DCAF13: variants seen among roughly 807,000 people sequenced by gnomAD.
DCAF13 encodes DDB1- and CUL4-associated factor 13.
In DCAF13, 38 loss-of-function variants were observed where a neutral mutation model predicts 59.0. The observed-to-expected ratio is 0.64, with a 90% CI of 0.50 to 0.84. The LOEUF (loss-of-function observed/expected upper bound fraction) is 0.84, where lower values mean the gene tolerates loss of function less well. Ranked by LOEUF, DCAF13 falls within the 40% of genes least tolerant of loss-of-function variation. The pLI, the probability that DCAF13 is intolerant of heterozygous loss-of-function variation, is 0.00. For missense variants in DCAF13, 469 were observed against 558.4 expected (o/e 0.84, Z 1.61); for synonymous variants, 173 against 175.0 (o/e 0.99, Z 0.09).
In DCAF13 at chr8:103,418,543, CAAA is replaced by C. The variant is rs149742593; in HGVS notation, c.71-1718_71-1716del. On this transcript the variant is annotated intron_variant, in intron 1 of 10. Transcript: ENST00000612750. ...ATGATACCGCATCTCAAAACAAAAA[CAAA>C]AACAAAACACAAAAAACTAGAAATA... 8.3e-3 allele frequency among the ~76,000 whole-genome samples: 1,253 copies of C among 151,590 alleles called. 24 individuals are homozygous for C. The highest frequency in any genetic ancestry group is 0.029 in the African/African-American group (1,185 of 41,322).
At chr8:103,434,849 C>A (rs1306031375) in intron 7 of DCAF13, among the ~76,000 whole-genome samples, 1 of 151,994 alleles carries the variant, frequency 6.6e-6, no homozygotes, top group Non-Finnish European at 1.5e-5. Context: ...AGTATAGTTT[C>A]TCATTTTGAT....
Position 103,435,698 on chromosome 8 carries a change from T to C in DCAF13, c.858T>C (p.Leu286=). Residue 286 remains leucine (L), a synonymous_variant, in exon 8 of 11, where the codon CTT becomes CTC. Coordinates refer to ENST00000612750, the MANE Select transcript of DCAF13 (RefSeq NM_015420.7). The part of the protein sequence containing the change: ...MVHMDHVSAV[L]DVDYSPTGKE... Reference sequence around the variant, plus strand: ...ATATGGATCATGTATCTGCAGTGCTTGATGTGGATTACTCTCCCACTGGGA... The same window carrying C: ...ATATGGATCATGTATCTGCAGTGCTCGATGTGGATTACTCTCCCACTGGGA... 1 of 1,613,450 alleles carries C rather than the reference T, an allele frequency of 6.2e-7. No individual in the cohort carries two copies. The highest frequency in any genetic ancestry group is 8.5e-7 in the Non-Finnish European group (1 of 1,179,590).
rs775039881 is a variant in DCAF13, at chr8:103,435,675, A to T, written c.835A>T (p.Met279Leu). The T allele has an allele frequency of 6.2e-7, 1 of 1,612,318 alleles. No individual in the cohort carries two copies. Residue 279 changes from methionine to leucine, a missense_variant, in exon 8 of 11, where the codon ATG (methionine) becomes TTG (leucine). This residue lies in a region of DCAF13 where 355 missense variants were observed against 399.1 expected (regional missense o/e 0.89). Transcript: ENST00000612750. ...RALDTPVMVH[M>L]DHVSAVLDVD... ...ACTGGACACTCCTGTAATGGTCCAT[A>T]TGGATCATGTATCTGCAGTGCTTGA...
chr8:103,430,919 T>C (rs1816855018), intron 6 of DCAF13, among the ~76,000 whole-genome samples: 2 of 152,192 alleles, frequency 1.3e-5, no homozygotes, highest in Admixed American at 1.3e-4. Flanking sequence ...ACCTTGTGTC[T>C]TCCATGATGC....
At chr8:103,421,953 ATTGAAAGTCT>A (rs1233232942) in intron 3 of DCAF13, among the ~76,000 whole-genome samples, 4 of 152,222 alleles carry the variant, frequency 2.6e-5, no homozygotes, top group African/African-American at 9.7e-5. Context: ...ATTCAAGTTC[ATTGAAAGTCT>A]TTTTAAACAA....
chr8:103,433,252 G>A (rs1364277043), intron 7 of DCAF13, among the ~76,000 whole-genome samples: 2 of 152,116 alleles, frequency 1.3e-5, no homozygotes, highest in African/African-American at 4.8e-5. Context: ...ATTGCGGTGA[G>A]TATCAGGTAG....
chr8:103,438,345 A>G (rs1401091201), intron 8 of DCAF13, among the ~76,000 whole-genome samples: 1 of 152,180 alleles, frequency 6.6e-6, no homozygotes, highest in Non-Finnish European at 1.5e-5. Context: ...ATGAATTTCT[A>G]ATGGTTTATC....
intron 3 of DCAF13, among the ~76,000 whole-genome samples, chr8:103,422,155 G>A (rs1162798516): frequency 6.6e-6 from 1 of 152,174 alleles, no homozygotes; most frequent in Admixed American, 6.5e-5. Flanking sequence ...CAACTGAGAG[G>A]TGCCTGGGAA....
chr8:103,430,901 A>G (rs562542176), intron 6 of DCAF13, among the ~76,000 whole-genome samples: 4 of 152,328 alleles, frequency 2.6e-5, no homozygotes, highest in African/African-American at 9.6e-5. Context: ...ATTGTATCCT[A>G]GTCACCAACC....
At chr8:103,440,705 A>G (rs919581973) in intron 9 of DCAF13, 3 of 152,630 alleles carry the variant, frequency 2.0e-5, no homozygotes, top group Non-Finnish European at 4.4e-5. Context: ...CATTTAATAA[A>G]TACAGAAAGC....
intron 8 of DCAF13, among the ~76,000 whole-genome samples, chr8:103,437,497 A>G (rs898353697): frequency 6.6e-6 from 1 of 152,172 alleles, no homozygotes; most frequent in Non-Finnish European, 1.5e-5. Flanking sequence ...CATTATTCCA[A>G]AATTGTATAA....
At chr8:103,417,586 G>A (rs1265424406) in intron 1 of DCAF13, among the ~76,000 whole-genome samples, 4 of 148,240 alleles carry the variant, frequency 2.7e-5, no homozygotes, top group Non-Finnish European at 5.9e-5. Flanking sequence ...AGCTTGCAGT[G>A]AGCCGAGATT....
chr8:103,441,352 A>G (rs1236447024), intron 9 of DCAF13, 103 bp from the exon 10 acceptor site: 2 of 1,107,180 alleles, frequency 1.8e-6, no homozygotes, highest in Non-Finnish European at 2.5e-6. Context: ...TTGGTTGCAT[A>G]TCATAAAAGA....
chr8:103,439,503 C>T (rs1298983160), intron 8 of DCAF13: 1 of 151,302 alleles, frequency 6.6e-6, no homozygotes, highest in African/African-American at 2.4e-5. Context: ...ATTCTCCTGC[C>T]TCAGCCTCCC....
chr8:103,430,490 C>A, intron 5 of DCAF13, 122 bp from the exon 6 acceptor site: 1 of 624,318 alleles, frequency 1.6e-6, no homozygotes, highest in South Asian at 2.4e-5. Flanking sequence ...ATTGTACCCT[C>A]TTAAAATGGA....
chr8:103,428,958 G>GGT (rs968092511), intron 5 of DCAF13: 3 of 151,838 alleles, frequency 2.0e-5, no homozygotes, highest in Non-Finnish European at 2.9e-5. Flanking sequence ...AAAAGTAAAT[G>GGT]GTGTGTGTGT....
At position 103,432,685 on chromosome 8, in the gene DCAF13, A is replaced by C; in HGVS notation, c.729A>C (p.Thr243=). The change falls in exon 7 of 11, where the codon ACA becomes ACC. Residue 243 remains threonine (T), a synonymous_variant. Coordinates refer to ENST00000612750, the MANE Select transcript of DCAF13 (RefSeq NM_015420.7). ...KKVILDMRTN[T]ICWNPMEAFI... ...TTATCTTAGATATGAGAACAAATACAATCTGTTGGAACCCTATGGAAGCTT... is the reference window on the plus strand; with the variant it reads ...TTATCTTAGATATGAGAACAAATACCATCTGTTGGAACCCTATGGAAGCTT... 1 of 1,602,250 alleles carries C rather than the reference A, an allele frequency of 6.2e-7. No individual in the cohort carries two copies. The highest frequency in any genetic ancestry group is 8.5e-7 in the Non-Finnish European group (1 of 1,170,578).
intron 5 of DCAF13, chr8:103,430,383 C>G (rs200681027): frequency 3.5e-6 from 1 of 285,110 alleles, no homozygotes; most frequent in Non-Finnish European, 6.4e-6. Context: ...CAGAGCAAGA[C>G]TCTGTCTCTA....
chr8:103,418,266 C>A (rs1345446854), intron 1 of DCAF13, among the ~76,000 whole-genome samples: 1 of 152,108 alleles, frequency 6.6e-6, no homozygotes, highest in Non-Finnish European at 1.5e-5. Context: ...CATTCATAAA[C>A]CCAACACTTT....
Sources: allele counts gnomAD v4.1 joint callset (sites outside exome capture counted in the v4.1 genomes callset), GRCh38; gene constraint gnomAD v4.1.1; regional missense constraint gnomAD v4.1.1; transcripts MANE v1.5; gene names NCBI Gene and HGNC (gene_info 2026-07-23, HGNC 2026-07-21).